Variants in TBC1D8 observed in about 807,000 individuals in gnomAD.
TBC1D8 encodes the protein BUB2-like protein 1.
Under a neutral mutation model 118.8 loss-of-function variants are expected in TBC1D8, and 65 were observed. That is an observed-to-expected ratio of 0.55 (90% confidence interval 0.45 to 0.67). The LOEUF (loss-of-function observed/expected upper bound fraction) is 0.67, where lower values mean the gene tolerates loss of function less well. Ranked by LOEUF, TBC1D8 falls within the 30% of genes least tolerant of loss-of-function variation. TBC1D8 has a pLI of 0.00. For synonymous variants in TBC1D8, 566 were observed against 595.8 expected (o/e 0.95, Z 0.73); for missense variants, 1,376 against 1,471.2 (o/e 0.94, Z 1.06).
At position 101,054,103 on chromosome 2, in the gene TBC1D8, C is replaced by T; in HGVS notation, c.631+5G>A. 1 of 1,607,562 alleles carries T rather than the reference C, an allele frequency of 6.2e-7. No individual in the cohort carries two copies. The highest frequency in any genetic ancestry group is 8.5e-7 in the Non-Finnish European group (1 of 1,176,784). ...TCTTGGAAGAGCCTGCCAGGCCTCA[C>T]TTACGTTCCTTGCCCAGGAAGAAGG... is the stretch of plus-strand genomic sequence containing the variant. On this transcript the variant is annotated splice_donor_5th_base_variant and intron_variant, in intron 4 of 19. Coordinates refer to ENST00000409318, the MANE Select transcript of TBC1D8 (RefSeq NM_001330348.2).
intron 1 of TBC1D8, among the ~76,000 whole-genome samples, chr2:101,098,760 A>G (rs1676636588): frequency 6.6e-6 from 1 of 152,190 alleles, no homozygotes; most frequent in South Asian, 2.1e-4. Context: ...TGTTCCTGAA[A>G]GACTCCTGGG....
Position 101,040,197 on chromosome 2 carries a change from A to T in TBC1D8, c.1061T>A (p.Ile354Asn), listed in dbSNP as rs777789282. Residue 354 changes from isoleucine (I) to asparagine (N), a missense_variant, in exon 6 of 20, where the codon ATC becomes AAC. Transcript: ENST00000409318. ...FASREDGCCK[I>N]ILPLREVVSI... ...GTCTACCTCTCTGAGTGGCAGGATG[A>T]TCTTACAGCAGCCATCTTCTCTGCT... 1.9e-6 allele frequency: 3 copies of T among 1,613,958 alleles called. 1 individual carries two copies. In the South Asian group the frequency reaches 3.3e-5, roughly 18 times the overall value.
rs376670111 is a variant in TBC1D8 at position 101,008,017 on chromosome 2, G to A, written c.3272C>T (p.Ala1091Val). 4.8e-5 allele frequency: 78 copies of A among 1,613,810 alleles called. No individual in the cohort carries two copies. Among genetic ancestry groups the A allele is most frequent in the South Asian group, 2.0e-4 (18 of 91,084 alleles). Residue 1091 changes from alanine (A) to valine (V), a missense_variant, in exon 20 of 20, where the codon GCG (alanine) becomes GTG (valine). Physicochemically the swap from Ala to Val is moderately conservative, Grantham distance 64. Coordinates refer to ENST00000409318, the MANE Select transcript of TBC1D8 (RefSeq NM_001330348.2). ...TPQDSQAFPE[A>V]AERDWTVSLE... Reference sequence around the variant, plus strand: ...GGAGACAGTCCAGTCCCTTTCTGCCGCCTCTGGAAATGCCTGGGAGTCCTG... The same window carrying A: ...GGAGACAGTCCAGTCCCTTTCTGCCACCTCTGGAAATGCCTGGGAGTCCTG...
intron 3 of TBC1D8, among the ~76,000 whole-genome samples, 174 bp from the exon 4 acceptor site, chr2:101,054,510 A>G (rs1573946134): frequency 6.6e-6 from 1 of 151,500 alleles, no homozygotes; most frequent in Non-Finnish European, 1.5e-5. Context: ...TCCGTCAGCC[A>G]CCCAGACACA....
chr2:101,117,097 C>T (rs1357787764), intron 1 of TBC1D8, among the ~76,000 whole-genome samples: 1 of 152,124 alleles, frequency 6.6e-6, no homozygotes, highest in Non-Finnish European at 1.5e-5. Flanking sequence ...TTGAGCCATG[C>T]AGCTGTGAGG....
chr2:101,128,754 A>T (rs1370586726), intron 1 of TBC1D8, among the ~76,000 whole-genome samples: 7 of 152,240 alleles, frequency 4.6e-5, no homozygotes, highest in African/African-American at 1.7e-4. Context: ...ATAGAATATC[A>T]TTAGCCTCAA....
At chr2:101,146,974 G>C (rs1387731668) in intron 1 of TBC1D8, among the ~76,000 whole-genome samples, 2 of 152,116 alleles carry the variant, frequency 1.3e-5, no homozygotes, top group African/African-American at 4.8e-5. Context: ...TTCTGTGCCT[G>C]GCTTATTTCA....
intron 17 of TBC1D8, chr2:101,017,886 C>CA: frequency 1.9e-6 from 3 of 1,550,936 alleles, no homozygotes; most frequent in Non-Finnish European, 2.6e-6. Flanking sequence ...CTCTTCAAAA[C>CA]AGATTGTCAC....
At chr2:101,123,414 G>C (rs557680878) in intron 1 of TBC1D8, among the ~76,000 whole-genome samples, 1 of 152,204 alleles carries the variant, frequency 6.6e-6, no homozygotes, top group African/African-American at 2.4e-5. Context: ...TGGCTAATTT[G>C]CTTGGCGACC....
intron 1 of TBC1D8, among the ~76,000 whole-genome samples, chr2:101,112,837 T>A (rs1322407096): frequency 6.6e-6 from 1 of 152,176 alleles, no homozygotes. Flanking sequence ...TATGACACTA[T>A]GTTGTAATCA....
chr2:101,099,696 G>T (rs1013459093), intron 1 of TBC1D8, among the ~76,000 whole-genome samples: 1 of 152,112 alleles, frequency 6.6e-6, no homozygotes, highest in South Asian at 2.1e-4. Flanking sequence ...GGGATCCAAG[G>T]CTGGTTCAAC....
chr2:101,067,786 C>G (rs1683095526), intron 2 of TBC1D8, among the ~76,000 whole-genome samples: 1 of 152,212 alleles, frequency 6.6e-6, no homozygotes. Context: ...GCACGATTGA[C>G]TCTCTCTTTC....
chr2:101,136,002 G>A (rs2104267668), intron 1 of TBC1D8, among the ~76,000 whole-genome samples: 1 of 152,252 alleles, frequency 6.6e-6, no homozygotes, highest in Admixed American at 6.5e-5. Flanking sequence ...GGGACTACAG[G>A]CAGGCACCAC....
chr2:101,037,475 C>A (rs1016754769), intron 8 of TBC1D8, 57 bp downstream of exon 8: 259 of 1,575,012 alleles, frequency 1.6e-4, no homozygotes, highest in Non-Finnish European at 2.1e-4. Context: ...GCTGGGCAAC[C>A]CCCCCAAGCC....
At chr2:101,109,290 G>A (rs1044350228) in intron 1 of TBC1D8, among the ~76,000 whole-genome samples, 3 of 152,154 alleles carry the variant, frequency 2.0e-5, no homozygotes, top group Non-Finnish European at 4.4e-5. Flanking sequence ...CTGCAGACAA[G>A]GGGAAGATAC....
intron 1 of TBC1D8, among the ~76,000 whole-genome samples, chr2:101,149,355 T>C (rs186806576): frequency 1.3e-5 from 2 of 152,284 alleles, no homozygotes; most frequent in East Asian, 1.9e-4. Context: ...GAAGCGGGCT[T>C]GAAGCCAGGC....
In TBC1D8 at chr2:101,029,714, C is replaced by T; in HGVS notation, c.1999G>A (p.Glu667Lys). 1 of 1,614,000 alleles carries T rather than the reference C, an allele frequency of 6.2e-7. No individual in the cohort carries two copies. The highest frequency in any genetic ancestry group is 8.5e-7 in the Non-Finnish European group (1 of 1,179,890). ...LIKGHLPELA[E>K]HMNDLSALAS... Reference sequence around the variant, plus strand: ...AGGGCTGAGAGGTCGTTCATGTGCTCTGCCAGCTCTGGGAGATGACCCTTG... The same window carrying T: ...AGGGCTGAGAGGTCGTTCATGTGCTTTGCCAGCTCTGGGAGATGACCCTTG... Residue 667 changes from glutamate (E) to lysine (K), a missense_variant, in exon 12 of 20, where the codon GAG (glutamate) becomes AAG (lysine). By Grantham distance (56) the Glu-to-Lys change is moderately conservative. Transcript: ENST00000409318.
chr2:101,108,330 T>C (rs1051206077), intron 1 of TBC1D8, among the ~76,000 whole-genome samples: 1 of 152,176 alleles, frequency 6.6e-6, no homozygotes, highest in Non-Finnish European at 1.5e-5. Context: ...GACAACTAAA[T>C]GTAATGTGTT....
chr2:101,116,418 A>G (rs936810913), intron 1 of TBC1D8, among the ~76,000 whole-genome samples: 5 of 152,110 alleles, frequency 3.3e-5, no homozygotes, highest in African/African-American at 1.2e-4. Context: ...CATGTGTCCA[A>G]CGGGGATCAT....
Sources: gnomAD v4.1 joint callset for allele counts (sites outside exome capture counted in the v4.1 genomes callset) on GRCh38, gnomAD v4.1.1 for gene constraint, MANE v1.5 for transcripts, NCBI Gene and HGNC (gene_info 2026-07-23, HGNC 2026-07-21) for gene names.